Variants in ARAP2 observed in about 807,000 individuals in gnomAD.
The protein encoded by ARAP2 is ArfGAP with RhoGAP domain, ankyrin repeat and PH domain 2, also known as arf-GAP with Rho-GAP domain, ANK repeat and PH domain-containing protein 2.
Under a neutral mutation model 194.5 loss-of-function variants are expected in ARAP2, and 148 were observed. That is an observed-to-expected ratio of 0.76 (90% CI 0.67 to 0.87). ARAP2 has a LOEUF of 0.87. Among genes scored for constraint, ARAP2 ranks in the 40% least tolerant of loss-of-function variants. ARAP2 has a pLI of 0.00. For synonymous variants in ARAP2, 695 were observed against 683.5 expected, an observed-to-expected ratio of 1.02 and a Z score of -0.26; for missense variants, 2,128 against 1,989.7, an observed-to-expected ratio of 1.07 and a Z score of -1.32.
chr4:36,153,483 A>T (rs1318655895), intron 15 of ARAP2, among the ~76,000 whole-genome samples: 1 of 152,200 alleles, frequency 6.6e-6, no homozygotes, highest in Non-Finnish European at 1.5e-5. Flanking sequence ...CCACAGAATG[A>T]ATGACACTCA....
intron 15 of ARAP2, among the ~76,000 whole-genome samples, chr4:36,156,865 A>G (rs994890207): frequency 5.3e-5 from 8 of 152,352 alleles, no homozygotes; most frequent in African/African-American, 1.9e-4. Context: ...AAAATGGAAA[A>G]ATATCCCTAG....
intron 6 of ARAP2, among the ~76,000 whole-genome samples, chr4:36,018,461 A>G (rs1716288582): frequency 6.6e-6 from 1 of 152,082 alleles, no homozygotes; most frequent in South Asian, 2.1e-4. Context: ...AAAAAAAAAA[A>G]AAACTCAGCT....
intron 27 of ARAP2, among the ~76,000 whole-genome samples, chr4:36,097,391 A>G (rs1715599918): frequency 6.6e-6 from 1 of 152,100 alleles, no homozygotes; most frequent in African/African-American, 2.4e-5. Flanking sequence ...AGATGTTAAA[A>G]TAAGTAGAAA....
At chr4:36,062,601 A>G (rs559690987), downstream of ARAP2, among the ~76,000 whole-genome samples, 1 of 151,484 alleles carries the variant, frequency 6.6e-6, no homozygotes, top group East Asian at 1.9e-4. Flanking sequence ...ATATGTATCT[A>G]TTTCATATAC....
chr4:36,092,383 G>A (rs1713949573), intron 27 of ARAP2, among the ~76,000 whole-genome samples: 2 of 151,912 alleles, frequency 1.3e-5, no homozygotes, highest in Admixed American at 6.6e-5. Flanking sequence ...GCCGAGGCGG[G>A]CGGATTATCT....
At position 36,121,188 on chromosome 4, in the gene ARAP2, T is replaced by C. The variant is rs779370885; in HGVS notation, c.3885A>G (p.Glu1295=). 9 of 1,590,992 alleles carry C rather than the reference T, an allele frequency of 5.7e-6. No homozygotes were observed. In the South Asian group the frequency reaches 1.0e-4, roughly 18 times the overall value. ...GATACAAAATAATTACCTCAAATAT[T>C]TCTACATAATTATTAATTAGGTCCT... The part of the protein sequence containing the change: ...VIEDLINNYV[E]IFEVKEDQVK... Residue 1295 remains glutamate, a synonymous_variant, in exon 23 of 33, where the codon GAA becomes GAG. Coordinates refer to ENST00000303965, the MANE Select transcript of ARAP2 (RefSeq NM_015230.4).
chr4:36,121,362 T>A (rs1347525248), intron 22 of ARAP2, 36 bp from the exon 23 acceptor site: 1 of 1,516,756 alleles, frequency 6.6e-7, no homozygotes, highest in Non-Finnish European at 8.9e-7. Flanking sequence ...ATGATACACT[T>A]TTATTTGGAA....
At chr4:36,152,639 C>T (rs924799056) in intron 15 of ARAP2, among the ~76,000 whole-genome samples, 1 of 149,824 alleles carries the variant, frequency 6.7e-6, no homozygotes, top group Non-Finnish European at 1.5e-5. Flanking sequence ...TAGAAGCATT[C>T]AAGGAGGTAA....
chr4:36,006,729 T>C (rs1033859771), intron 10 of ARAP2: 1 of 152,154 alleles, frequency 6.6e-6, no homozygotes, highest in African/African-American at 2.4e-5. Context: ...TTTAAAAAAA[T>C]ATTGTTGGCA....
At chr4:36,208,302 GCTTTT>G (rs1297875715) in intron 6 of ARAP2, among the ~76,000 whole-genome samples, 1 of 152,166 alleles carries the variant, frequency 6.6e-6, no homozygotes, top group Non-Finnish European at 1.5e-5. Flanking sequence ...GAGGACCTCT[GCTTTT>G]TATTACTTCT....
chr4:36,043,397 C>T (rs1721199645), intron 5 of ARAP2, among the ~76,000 whole-genome samples: 1 of 152,050 alleles, frequency 6.6e-6, no homozygotes, highest in African/African-American at 2.4e-5. Context: ...TGAAAATTGC[C>T]CTGTCTATGT....
chr4:36,150,342 G>T (rs1362036675), intron 16 of ARAP2, among the ~76,000 whole-genome samples: 4 of 152,010 alleles, frequency 2.6e-5, no homozygotes, highest in African/African-American at 9.7e-5. Context: ...TAAGTGATAT[G>T]CTATACATTT....
At chr4:36,210,785 T>C (rs1330181015) in intron 5 of ARAP2, 42 bp from the exon 6 acceptor site, 2 of 1,375,390 alleles carry the variant, frequency 1.5e-6, no homozygotes, top group Middle Eastern at 2.1e-4. Flanking sequence ...GTGCTATATG[T>C]GATTTAAGAC....
intron 2 of ARAP2, among the ~76,000 whole-genome samples, chr4:36,225,779 G>A (rs957455965): frequency 6.6e-6 from 1 of 152,106 alleles, no homozygotes; most frequent in Non-Finnish European, 1.5e-5. Flanking sequence ...TTGAGCAGCT[G>A]TATGAAATGT....
chr4:36,156,119 T>C (rs1732231893), intron 15 of ARAP2, among the ~76,000 whole-genome samples: 2 of 151,646 alleles, frequency 1.3e-5, no homozygotes, highest in Non-Finnish European at 2.9e-5. Flanking sequence ...TCATCTCTAC[T>C]AAAAATACAA....
intron 5 of ARAP2, among the ~76,000 whole-genome samples, chr4:36,045,505 A>G (rs1303918375): frequency 2.0e-5 from 3 of 152,158 alleles, no homozygotes; most frequent in African/African-American, 7.2e-5. Context: ...TCATAGAAAT[A>G]CAGAGTGGAA....
chr4:36,095,359 A>G (rs1714868819), intron 27 of ARAP2, among the ~76,000 whole-genome samples: 2 of 152,160 alleles, frequency 1.3e-5, no homozygotes, highest in South Asian at 4.1e-4. Context: ...ATTCTGTGAC[A>G]TTCAAGTTAG....
At chr4:36,110,711 C>T (rs1055935435) in intron 26 of ARAP2, among the ~76,000 whole-genome samples, 1 of 151,786 alleles carries the variant, frequency 6.6e-6, no homozygotes, top group Non-Finnish European at 1.5e-5. Context: ...ACGAATCTGA[C>T]TACCATATAA....
In ARAP2 at chr4:36,068,101, G is replaced by T; in HGVS notation, c.4921C>A (p.Pro1641Thr). 1.9e-6 allele frequency: 3 copies of T among 1,614,110 alleles called. No homozygotes were observed. The highest frequency in any genetic ancestry group is 2.5e-6 in the Non-Finnish European group (3 of 1,179,982). Residue 1641 changes from proline to threonine, a missense_variant, in exon 33 of 33, where the codon CCT becomes ACT. By Grantham distance (38) the Pro-to-Thr change is conservative. Coordinates refer to ENST00000303965, the MANE Select transcript of ARAP2 (RefSeq NM_015230.4). Reference protein sequence around the residue: ...RSFNCLEDTEPEAPLGQPKGH... With the variant: ...RSFNCLEDTETEAPLGQPKGH... Reference sequence around the variant, plus strand: ...TTTGGTTGCCCAAGTGGGGCTTCAGGCTCTGTGTCCTCCAGGCAGTTGAAA... The same window carrying T: ...TTTGGTTGCCCAAGTGGGGCTTCAGTCTCTGTGTCCTCCAGGCAGTTGAAA...
Sources: allele counts gnomAD v4.1 joint callset (sites outside exome capture counted in the v4.1 genomes callset), GRCh38; gene constraint gnomAD v4.1.1; transcripts MANE v1.5; gene names NCBI Gene and HGNC (gene_info 2026-07-23, HGNC 2026-07-21).